VAMP7: variants seen among roughly 807,000 people sequenced by gnomAD.
VAMP7 encodes the protein vesicle-associated membrane protein 7.
In VAMP7, 14 loss-of-function variants were observed where a neutral mutation model predicts 29.6. The observed-to-expected ratio is 0.47, with a 90% CI of 0.31 to 0.74. The LOEUF (loss-of-function observed/expected upper bound fraction) is 0.74, where lower values mean the gene tolerates loss of function less well. VAMP7 is among the 30% of genes least tolerant of loss of function. The probability of loss-of-function intolerance (pLI) is 0.05; values close to 1 mark genes in which losing one functional copy is unlikely to be tolerated. For missense variants in VAMP7, 223 were observed against 262.4 expected (o/e 0.85, Z 1.04); for synonymous variants, 95 against 88.1 (o/e 1.08, Z -0.44).
intron 6 of VAMP7, among the ~76,000 whole-genome samples, chrX:155,921,555 A>G (rs2066396508): frequency 6.6e-6 from 1 of 151,862 alleles, no homozygotes; most frequent in Admixed American, 6.6e-5. Context: ...GTAATCACTT[A>G]TTCTTTTTTA....
At chrX:155,892,468 G>A (rs1378769457) in intron 2 of VAMP7, among the ~76,000 whole-genome samples, 1 of 151,982 alleles carries the variant, frequency 6.6e-6, no homozygotes, top group East Asian at 1.9e-4. Flanking sequence ...TTAGTCCTCA[G>A]TTTTGCTTTC....
chrX:155,903,885 G>A (rs958172745), intron 5 of VAMP7, among the ~76,000 whole-genome samples: 13 of 152,050 alleles, frequency 8.5e-5, no homozygotes, highest in South Asian at 2.1e-4. Flanking sequence ...AAATCATGCC[G>A]CTATAAAGAC....
At chrX:155,889,768 T>A (rs2124233571) in intron 2 of VAMP7, 156 bp downstream of exon 2, 1 of 739,596 alleles carries the variant, frequency 1.4e-6, no homozygotes, top group East Asian at 3.0e-5. Context: ...TATCTGGTTT[T>A]GTTACTTATA....
At chrX:155,933,573 C>G (rs866300183) in intron 6 of VAMP7, among the ~76,000 whole-genome samples, 1 of 150,294 alleles carries the variant, frequency 6.7e-6, no homozygotes, top group Admixed American at 6.6e-5. Flanking sequence ...TTTTTTATTG[C>G]GTCTATTTGA....
intron 5 of VAMP7, among the ~76,000 whole-genome samples, chrX:155,910,293 A>G (rs2066217901): frequency 6.6e-6 from 1 of 152,152 alleles, no homozygotes; most frequent in African/African-American, 2.4e-5. Context: ...ACTTCATTCT[A>G]TTTCATGGTC....
intron 6 of VAMP7, among the ~76,000 whole-genome samples, chrX:155,930,264 A>G (rs2066528612): frequency 6.6e-6 from 1 of 152,088 alleles, no homozygotes; most frequent in Non-Finnish European, 1.5e-5. Context: ...AGCCTCCTAA[A>G]TCACATAGTC....
intron 5 of VAMP7, among the ~76,000 whole-genome samples, chrX:155,914,944 C>T (rs1209878887): frequency 4.6e-5 from 7 of 152,220 alleles, no homozygotes; most frequent in Non-Finnish European, 8.8e-5. Context: ...ATGGTACCAG[C>T]TCCTCTTTAT....
chrX:155,915,930 G>C (rs2066305838), intron 5 of VAMP7, among the ~76,000 whole-genome samples: 1 of 151,842 alleles, frequency 6.6e-6, no homozygotes, highest in South Asian at 2.1e-4. Context: ...TTAATATTCT[G>C]TCTCAATCTA....
At chrX:155,904,833 T>C (rs997488489) in intron 5 of VAMP7, among the ~76,000 whole-genome samples, 2 of 151,076 alleles carry the variant, frequency 1.3e-5, no homozygotes, top group Non-Finnish European at 3.0e-5. Context: ...GTTCATGGTC[T>C]GGTTATTATA....
chrX:155,915,786 T>C (rs1011314669), intron 5 of VAMP7, among the ~76,000 whole-genome samples: 1 of 152,192 alleles, frequency 6.6e-6, no homozygotes, highest in African/African-American at 2.4e-5. Flanking sequence ...CTTCCAATTA[T>C]GTGATCAACT....
In VAMP7 at chrX:155,942,293, C is replaced by T. The variant is rs1309724497; in HGVS notation, c.*342C>T. ...TAGTCTTATGAGCTATCTACTAAAACTATGGAGAAACTTTGTATGTGCACA... is the reference window on the plus strand; with the variant it reads ...TAGTCTTATGAGCTATCTACTAAAATTATGGAGAAACTTTGTATGTGCACA... On this transcript the variant is annotated 3_prime_UTR_variant, in exon 8 of 8. Coordinates refer to ENST00000286448, the MANE Select transcript of VAMP7 (RefSeq NM_005638.6). 1 of 932,080 alleles carries T rather than the reference C, an allele frequency of 1.1e-6. No homozygotes were observed. Among genetic ancestry groups the T allele is most frequent in the Non-Finnish European group, 1.6e-6 (1 of 637,504 alleles). The allele number at this position is 932,080 out of a possible 1,614,324, so 57.7% of individuals were successfully genotyped here.
At chrX:155,888,309 A>G (rs1457242401) in intron 1 of VAMP7, among the ~76,000 whole-genome samples, 3 of 152,226 alleles carry the variant, frequency 2.0e-5, no homozygotes, top group Non-Finnish European at 2.9e-5. Flanking sequence ...GCATCCAGAC[A>G]GACTTGTATT....
intron 6 of VAMP7, among the ~76,000 whole-genome samples, chrX:155,931,912 A>T (rs1332740116): frequency 6.6e-6 from 1 of 152,170 alleles, no homozygotes; most frequent in African/African-American, 2.4e-5. Context: ...ATCCAGTTTC[A>T]GCTTTCTCCA....
intron 6 of VAMP7, among the ~76,000 whole-genome samples, chrX:155,923,560 TTACA>T (rs2066425531): frequency 1.3e-5 from 2 of 152,104 alleles, no homozygotes; most frequent in East Asian, 1.9e-4. Context: ...GCTGTCATTC[TTACA>T]TACATAAAGT....
intron 2 of VAMP7, among the ~76,000 whole-genome samples, chrX:155,894,788 G>C (rs1201327347): frequency 1.3e-5 from 2 of 151,838 alleles, no homozygotes; most frequent in East Asian, 3.9e-4. Context: ...GCTAATTTTT[G>C]TATTTTGTGT....
At chrX:155,907,986 C>T in intron 5 of VAMP7, among the ~76,000 whole-genome samples, 1 of 152,158 alleles carries the variant, frequency 6.6e-6, no homozygotes, top group Middle Eastern at 3.4e-3. Context: ...ACGCTCCTCA[C>T]TTCCTAGATG....
intron 1 of VAMP7, among the ~76,000 whole-genome samples, chrX:155,885,947 A>G (rs1247638764): frequency 6.6e-6 from 1 of 152,226 alleles, no homozygotes; most frequent in Non-Finnish European, 1.5e-5. Context: ...TACTGCAGCT[A>G]CAAGAAACTA....
At chrX:155,887,595 G>C (rs1482851677) in intron 1 of VAMP7, among the ~76,000 whole-genome samples, 1 of 152,048 alleles carries the variant, frequency 6.6e-6, no homozygotes, top group East Asian at 1.9e-4. Context: ...GAGTTGAAAG[G>C]AGGCAGAGGA....
Position 155,942,126 on chromosome X carries a change from G to A in VAMP7, c.*175G>A, listed in dbSNP as rs753613945. On this transcript the variant is annotated 3_prime_UTR_variant, in exon 8 of 8. Coordinates refer to ENST00000286448, the MANE Select transcript of VAMP7 (RefSeq NM_005638.6). ...AGGTTTATCTTTGTCTTATCTACCA[G>A]TTTATTCCTGTGAACTTCAGATTGA... 3 of 1,551,744 alleles carry A rather than the reference G, an allele frequency of 1.9e-6. No individual in the cohort carries two copies. The African/African-American group carries it at 4.1e-5, about 21-fold the overall frequency.
Sources: gnomAD v4.1 joint callset for allele counts (sites outside exome capture counted in the v4.1 genomes callset) on GRCh38, gnomAD v4.1.1 for gene constraint, MANE v1.5 for transcripts, NCBI Gene and HGNC (gene_info 2026-07-23, HGNC 2026-07-21) for gene names.